The following DHRS3 variants were observed in gnomAD, a reference collection of about 807,000 sequenced individuals.
The protein encoded by DHRS3 is dehydrogenase/reductase 3, also known as short-chain dehydrogenase/reductase 3.
DHRS3 carries 14 observed loss-of-function variants against 27.2 expected under a neutral mutation model. The observed-to-expected ratio is 0.52, with a 90% CI of 0.34 to 0.81. The LOEUF is 0.81. Ranked by LOEUF, DHRS3 falls within the 30% of genes least tolerant of loss-of-function variation. DHRS3 has a pLI of 0.01. For missense variants in DHRS3, 322 were observed against 406.2 expected, an observed-to-expected ratio of 0.79 and a Z score of 1.78; for synonymous variants, 165 against 175.9, an observed-to-expected ratio of 0.94 and a Z score of 0.49.
intron 1 of DHRS3, among the ~76,000 whole-genome samples, chr1:12,603,898 A>C (rs1016929810): frequency 6.6e-6 from 1 of 152,188 alleles, no homozygotes. Context: ...CCCTGGCTTC[A>C]GTGTCACAGG....
chr1:12,579,479 T>C (rs971266660), intron 2 of DHRS3, 67 bp from the exon 3 acceptor site: 2 of 1,564,316 alleles, frequency 1.3e-6, no homozygotes. Flanking sequence ...ATATGTTTTT[T>C]GTTTGTTTGT....
At chr1:12,572,047 T>C (rs532859911) in intron 5 of DHRS3, among the ~76,000 whole-genome samples, 2 of 152,362 alleles carry the variant, frequency 1.3e-5, no homozygotes, top group Admixed American at 1.3e-4. Flanking sequence ...TTTATTTTGT[T>C]TTAGAATACA....
rs1221889201 is a variant in DHRS3, at chr1:12,617,990, G to A, written c.-642C>T. The stretch of plus-strand genomic sequence containing the variant: ...TAAACGCGATCTGATTGCCAGCAAC[G>A]TGCAGGAGAAGTGGGGGGTCCGGGT... On this transcript the variant is annotated 5_prime_UTR_variant, in exon 1 of 6. In the 5' UTR this introduces an upstream ATG that the reference lacks. Transcript: ENST00000616661. 1.3e-5 allele frequency among the ~76,000 whole-genome samples: 2 copies of A among 151,914 alleles called. No homozygotes were observed. The highest frequency in any genetic ancestry group is 6.6e-5 in the Admixed American group (1 of 15,256).
rs4240902 is a variant in DHRS3, at chr1:12,592,848, G to C, written c.196-12182C>G. On this transcript the variant is annotated intron_variant, in intron 1 of 5. Transcript: ENST00000616661. The surrounding 1 kb of genome is among the most constrained non-coding windows in gnomAD (Gnocchi z 4.2). ...GCCAAGCTCTTTTTAACCTCCGAAG[G>C]CTCTTCACTGTCCCACATTAAGTGT... Among the ~76,000 whole-genome samples, 11,106 of 152,188 alleles carry C rather than the reference G, an allele frequency of 0.073. 1,271 individuals carry two copies. Among genetic ancestry groups the C allele is most frequent in the African/African-American group, 0.24 (10,141 of 41,482 alleles).
Position 12,568,113 on chromosome 1 carries a change from A to G in DHRS3, c.*227T>C, listed in dbSNP as rs1646499923. 2.0e-6 allele frequency: 1 copy of G among 493,176 alleles called. No individual in the cohort carries two copies. Among genetic ancestry groups the G allele is most frequent in the East Asian group, 3.6e-5 (1 of 28,154 alleles). The allele number at this position is 493,176 out of a possible 1,614,324, so 30.6% of individuals were successfully genotyped here. A position where few individuals can be genotyped will look rare whatever the true frequency, so the allele number is the denominator to read the frequency against. ...AGAACTGGAAATGTTCAAAAGTGTC[A>G]AGGTGGCTTCTGGCTGTTTTCCTGC... On this transcript the variant is annotated 3_prime_UTR_variant, in exon 6 of 6. Coordinates refer to ENST00000616661, the MANE Select transcript of DHRS3 (RefSeq NM_004753.7).
intron 1 of DHRS3, among the ~76,000 whole-genome samples, chr1:12,611,824 G>C (rs1204443256): frequency 6.6e-6 from 1 of 151,968 alleles, no homozygotes; most frequent in African/African-American, 2.4e-5. Flanking sequence ...GGGTGTGGAA[G>C]CTCATACCTG....
rs1128298 is a variant in DHRS3 at position 12,568,064 on chromosome 1, G to A, written c.*276C>T. The A allele has an allele frequency of 3.9e-5, 14 of 356,166 alleles. No individual in the cohort carries two copies. The highest frequency in any genetic ancestry group is 2.9e-4 in the East Asian group (5 of 17,432). 22.1% of individuals were successfully genotyped at this position (356,166 alleles called of 1,614,324 possible). A position where few individuals can be genotyped will look rare whatever the true frequency, so the allele number is the denominator to read the frequency against. On this transcript the variant is annotated 3_prime_UTR_variant, in exon 6 of 6. Coordinates refer to ENST00000616661, the MANE Select transcript of DHRS3 (RefSeq NM_004753.7). ...CACTGCTGAGGCTGGTTAGACTTGAGAAGCAATTGACAATAAACTCTACAG... is the reference window on the plus strand; with the variant it reads ...CACTGCTGAGGCTGGTTAGACTTGAAAAGCAATTGACAATAAACTCTACAG...
intron 1 of DHRS3, among the ~76,000 whole-genome samples, chr1:12,613,539 G>C (rs1646924274): frequency 6.6e-6 from 1 of 152,234 alleles, no homozygotes; most frequent in African/African-American, 2.4e-5. Flanking sequence ...GCTGGCCCCA[G>C]GGCTAGGGAT....
rs147425849 is a variant in DHRS3 at position 12,578,086 on chromosome 1, C to G, written c.698+632G>C. Among the ~76,000 whole-genome samples, 3,411 of 152,254 alleles carry G rather than the reference C, an allele frequency of 0.022. 50 individuals are homozygous for G. Among genetic ancestry groups the G allele is most frequent in the Non-Finnish European group, 0.031 (2,097 of 68,010 alleles). ...TTTTGGAACTTCATACAGGTGGAAC[C>G]AGGCAGAATGCACCCTATGTCTCAA... On this transcript the variant is annotated intron_variant, in intron 4 of 5. Coordinates refer to ENST00000616661, the MANE Select transcript of DHRS3 (RefSeq NM_004753.7). The surrounding 1 kb of genome is among the most constrained non-coding windows in gnomAD (Gnocchi z 4.5).
chr1:12,581,555 C>T (rs896395041), intron 1 of DHRS3, among the ~76,000 whole-genome samples: 2 of 152,194 alleles, frequency 1.3e-5, no homozygotes, highest in Non-Finnish European at 2.9e-5. Context: ...AACATGGACT[C>T]ATTACGCCAG....
intron 1 of DHRS3, among the ~76,000 whole-genome samples, chr1:12,613,857 C>A (rs919359050): frequency 6.6e-6 from 1 of 152,146 alleles, no homozygotes; most frequent in Non-Finnish European, 1.5e-5. Flanking sequence ...GCAACCTCTA[C>A]CTCCTGGGTT....
rs561421528 is a variant in DHRS3, at chr1:12,582,388, C to T, written c.196-1722G>A. On this transcript the variant is annotated intron_variant, in intron 1 of 5. Coordinates refer to ENST00000616661, the MANE Select transcript of DHRS3 (RefSeq NM_004753.7). ...TCTCTAAAGCCCAGTTTGAAAACCC[C>T]ACTTAGTCTAGCCACTTTATTTTAA... Among the ~76,000 whole-genome samples, 207 of 152,308 alleles carry T rather than the reference C, an allele frequency of 1.4e-3. 1 individual carries two copies. The highest frequency in any genetic ancestry group is 4.8e-3 in the African/African-American group (199 of 41,570).
intron 1 of DHRS3, among the ~76,000 whole-genome samples, chr1:12,587,721 C>T (rs552084884): frequency 7.6e-6 from 1 of 132,104 alleles, no homozygotes; most frequent in Admixed American, 7.1e-5. Context: ...AAACAAAAAC[C>T]AAAAAACAAA....
intron 1 of DHRS3, among the ~76,000 whole-genome samples, chr1:12,598,759 C>T (rs1232384398): frequency 6.6e-6 from 1 of 152,160 alleles, no homozygotes; most frequent in Non-Finnish European, 1.5e-5. Context: ...GACTTGAACT[C>T]GGCTTCTTTT....
chr1:12,579,027 G>A (rs2100657744), intron 3 of DHRS3, 71 bp from the exon 4 acceptor site: 1 of 1,425,758 alleles, frequency 7.0e-7, no homozygotes, highest in Admixed American at 1.8e-5. Flanking sequence ...CTTTCGGGGA[G>A]AACAGCCCAC....
rs149856536 is a variant in DHRS3, at chr1:12,614,187, C to T, written c.195+2967G>A. 9.3e-3 allele frequency among the ~76,000 whole-genome samples: 1,410 copies of T among 152,268 alleles called. 17 individuals are homozygous for T. The highest frequency in any genetic ancestry group is 0.029 in the African/African-American group (1,192 of 41,536). ...CACTTGCTGGATACCAGACCAAAGG[C>T]GGGGATGGTCCCTACAAATACTTCT... is the stretch of plus-strand genomic sequence containing the variant. On this transcript the variant is annotated intron_variant, in intron 1 of 5. Coordinates refer to ENST00000616661, the MANE Select transcript of DHRS3 (RefSeq NM_004753.7).
At chr1:12,609,048 C>T (rs1167300951) in intron 1 of DHRS3, among the ~76,000 whole-genome samples, 1 of 152,210 alleles carries the variant, frequency 6.6e-6, no homozygotes, top group African/African-American at 2.4e-5. Flanking sequence ...AAAGCATCTC[C>T]TTCATTCTAA....
At chr1:12,585,267 C>CTATGTGAGTGTG (rs1646686368) in intron 1 of DHRS3, among the ~76,000 whole-genome samples, 1 of 41,272 alleles carries the variant, frequency 2.4e-5, no homozygotes, top group Admixed American at 1.9e-4. Context: ...GAGTGTGTGT[C>CTATGTGAGTGTG]TCTCTGTGTC....
At chr1:12,614,556 C>G (rs1483779871) in intron 1 of DHRS3, among the ~76,000 whole-genome samples, 1 of 151,880 alleles carries the variant, frequency 6.6e-6, no homozygotes, top group African/African-American at 2.4e-5. Context: ...CCTTTGCACC[C>G]TAAGGCTCAC....
Sources: allele counts gnomAD v4.1 joint callset (sites outside exome capture counted in the v4.1 genomes callset), GRCh38; gene constraint gnomAD v4.1.1; non-coding constraint Gnocchi (gnomAD v3.1); transcripts MANE v1.5; gene names NCBI Gene and HGNC (gene_info 2026-07-23, HGNC 2026-07-21).